Variants in MAK observed in about 807,000 individuals in gnomAD.
MAK encodes the protein male germ cell associated kinase, also known as serine/threonine-protein kinase MAK.
In MAK, 65 loss-of-function variants were observed where a neutral mutation model predicts 82.6. The observed-to-expected ratio is 0.79, with a 90% CI of 0.64 to 0.97. The LOEUF (loss-of-function observed/expected upper bound fraction) is 0.97. Ranked by LOEUF, MAK falls within the 50% of genes least tolerant of loss-of-function variation. MAK has a pLI of 0.00. For missense variants in MAK, 703 were observed against 780.2 expected (o/e 0.90, Z 1.18); for synonymous variants, 250 against 274.2 (o/e 0.91, Z 0.87).
In MAK at chr6:10,812,360, A is replaced by T. The variant is rs550055054; in HGVS notation, c.358+1284T>A. Reference sequence around the variant, plus strand: ...CTAGTGATTCTAAACAAATGTTTTTAAAAAATAATCATATTAACTTTTTGG... The same window carrying T: ...CTAGTGATTCTAAACAAATGTTTTTTAAAAATAATCATATTAACTTTTTGG... On this transcript the variant is annotated intron_variant, in intron 5 of 14. Coordinates refer to ENST00000354489, the MANE Select transcript of MAK (RefSeq NM_001242957.3). Among the ~76,000 whole-genome samples, 21 of 152,294 alleles carry T rather than the reference A, an allele frequency of 1.4e-4. 2 individuals are homozygous for T. The South Asian group carries it at 3.7e-3, about 27-fold the overall frequency.
chr6:10,764,269 G>A lies in MAK; in HGVS notation c.*183C>T. On this transcript the variant is annotated 3_prime_UTR_variant, in exon 15 of 15. Coordinates refer to ENST00000354489, the MANE Select transcript of MAK (RefSeq NM_001242957.3). ...ATATATCAACACTGTGGGCAATGAT[G>A]CTAAGAAAATGCATTTCTTGGAAAT... The A allele has an allele frequency of 1.6e-6, 1 of 616,422 alleles. No homozygotes were observed. Among genetic ancestry groups the A allele is most frequent in the East Asian group, 2.8e-5 (1 of 35,862 alleles). The allele number at this position is 616,422 out of a possible 1,614,324, so 38.2% of individuals were successfully genotyped here.
rs369250524 is a variant in MAK at position 10,835,976 on chromosome 6, A to T, written c.-230+2527T>A. On this transcript the variant is annotated intron_variant, in intron 1 of 14. Transcript: ENST00000354489. ...ACAATAGAGCATTCAGTCACTGATG[A>T]CTTTCGACCCAAGCCTGCGTGCACA... Among the ~76,000 whole-genome samples the T allele has an allele frequency of 2.4e-3, 363 of 152,338 alleles. 10 individuals carry two copies. The South Asian group carries it at 0.049, about 21-fold the overall frequency.
Position 10,803,858 on chromosome 6 carries a change from T to C in MAK, c.525A>G (p.Ser175=). The C allele has an allele frequency of 6.2e-7, 1 of 1,614,070 alleles. No homozygotes were observed. The highest frequency in any genetic ancestry group is 8.5e-7 in the Non-Finnish European group (1 of 1,179,972). ...YRAPEVLLRS[S]VYSSPIDVWA... ...ACACATCAATGGGAGAACTATAAAC[T>C]GAAGATCTCAGTAAAACTTCAGGGG... The change falls in exon 7 of 15, where the codon TCA becomes TCG. Residue 175 remains serine (S), a synonymous_variant. Coordinates refer to ENST00000354489, the MANE Select transcript of MAK (RefSeq NM_001242957.3).
chr6:10,807,589 C>T (rs1406272095), intron 6 of MAK, among the ~76,000 whole-genome samples: 2 of 151,796 alleles, frequency 1.3e-5, no homozygotes, highest in East Asian at 3.9e-4. Flanking sequence ...GATCCCCCAC[C>T]TCGGCCTCCC....
chr6:10,808,512 TTTC>T (rs1776670712), intron 6 of MAK, among the ~76,000 whole-genome samples: 1 of 152,218 alleles, frequency 6.6e-6, no homozygotes, highest in Non-Finnish European at 1.5e-5. Context: ...AGATTTTTCT[TTTC>T]TTTTTTTATT....
chr6:10,789,317 A>T (rs1314496290), intron 10 of MAK, among the ~76,000 whole-genome samples: 1 of 152,144 alleles, frequency 6.6e-6, no homozygotes, highest in African/African-American at 2.4e-5. Flanking sequence ...TTCTGTTTCA[A>T]AGAGGAAACA....
At chr6:10,792,527 C>G (rs569921228) in intron 9 of MAK, among the ~76,000 whole-genome samples, 1 of 152,324 alleles carries the variant, frequency 6.6e-6, no homozygotes, top group East Asian at 1.9e-4. Context: ...ATGAGTCTGA[C>G]TGTCACAGAA....
chr6:10,764,957 G>T (rs565827228), intron 14 of MAK, among the ~76,000 whole-genome samples: 2 of 152,020 alleles, frequency 1.3e-5, no homozygotes, highest in South Asian at 4.1e-4. Context: ...TCAGCTGAGC[G>T]TGGTGGCGGG....
chr6:10,775,480 A>G, intron 11 of MAK, 21 bp from the exon 12 acceptor site: 1 of 1,610,362 alleles, frequency 6.2e-7, no homozygotes. Flanking sequence ...CAAAACAACC[A>G]CTTCAAAGGT....
intron 11 of MAK, among the ~76,000 whole-genome samples, chr6:10,780,482 G>A (rs138437378): frequency 0.018 from 2,405 of 132,698 alleles, 67 homozygotes; most frequent in African/African-American, 0.063. Context: ...TTGAGACAGA[G>A]TCTTGTTCTG....
chr6:10,810,137 C>A (rs548293445), intron 5 of MAK, among the ~76,000 whole-genome samples: 3 of 150,136 alleles, frequency 2.0e-5, no homozygotes, highest in Non-Finnish European at 3.0e-5. Flanking sequence ...AAAAGAAAAC[C>A]CAGGGGGAAA....
rs991773411 is a variant in MAK at position 10,776,276 on chromosome 6, C to A, written c.1466-817G>T. ...ATGGAAACAGTTTATCCCCTGTGCGCCAGAAAGAAGTCATTGCAAATGTAC... is the reference window on the plus strand; with the variant it reads ...ATGGAAACAGTTTATCCCCTGTGCGACAGAAAGAAGTCATTGCAAATGTAC... On this transcript the variant is annotated intron_variant, in intron 11 of 14. Transcript: ENST00000354489. The surrounding 1 kb of genome is among the most constrained non-coding windows in gnomAD (Gnocchi z 4.3). 6.6e-6 allele frequency among the ~76,000 whole-genome samples: 1 copy of A among 152,102 alleles called. No homozygotes were observed.
At chr6:10,826,799 C>A (rs989132582) in intron 2 of MAK, among the ~76,000 whole-genome samples, 1 of 152,186 alleles carries the variant, frequency 6.6e-6, no homozygotes, top group Non-Finnish European at 1.5e-5. Flanking sequence ...TGTGAGAAAG[C>A]TTTTGCTTTC....
At chr6:10,769,094 G>C (rs893244747) in intron 14 of MAK, among the ~76,000 whole-genome samples, 1 of 152,086 alleles carries the variant, frequency 6.6e-6, no homozygotes. Flanking sequence ...TGTGCCTGTA[G>C]TCCCATCTAC....
chr6:10,813,142 T>A lies in MAK; in HGVS notation c.358+502A>T, dbSNP rs1375275338. ...TATATATATATATATATAAATTTTT[T>A]TTTTTTTTTTTTTTTTTTTTTTTTG... On this transcript the variant is annotated intron_variant, in intron 5 of 14. Transcript: ENST00000354489. Among the ~76,000 whole-genome samples, 49 of 28,532 alleles carry A rather than the reference T, an allele frequency of 1.7e-3. 1 individual carries two copies. The highest frequency in any genetic ancestry group is 0.016 in the African/African-American group (42 of 2,656). 18.7% of individuals were successfully genotyped at this position (28,532 alleles called of 152,430 possible).
At chr6:10,779,406 G>A in intron 11 of MAK, 1 of 985,308 alleles carries the variant, frequency 1.0e-6, no homozygotes, top group Non-Finnish European at 1.2e-6. Context: ...CCGGTTAGTA[G>A]TAGCAGGTCA....
At chr6:10,813,126 ATATATATAAATTTT>A (rs1777153007) in intron 5 of MAK, among the ~76,000 whole-genome samples, 5 of 682 alleles carry the variant, frequency 7.3e-3, no homozygotes, top group Admixed American at 0.021. Flanking sequence ...ATATATATAT[ATATATATAAATTTT>A]TTTTTTTTTT....
rs911908979 is a variant in MAK, at chr6:10,793,021, C to G, written c.1144-1174G>C. ...AGTGATATGCAAGAATCTGGTATGG[C>G]TGAGAAGACTGGAAAGGGGCAAATA... On this transcript the variant is annotated intron_variant, in intron 9 of 14. Coordinates refer to ENST00000354489, the MANE Select transcript of MAK (RefSeq NM_001242957.3). This position sits in a 1 kb window ranked among gnomAD's most constrained non-coding sequence, Gnocchi z 4.6. Among the ~76,000 whole-genome samples, 8 of 151,816 alleles carry G rather than the reference C, an allele frequency of 5.3e-5. No homozygotes were observed. The highest frequency in any genetic ancestry group is 1.9e-4 in the African/African-American group (8 of 41,336).
rs1045975968 is a variant in MAK at position 10,806,499 on chromosome 6, C to T, written c.491+2311G>A. ...GACTACAGGTGCCCGCCACCACACC[C>T]GTCTAATTTTTTTTTTTTTTTTTTT... On this transcript the variant is annotated intron_variant, in intron 6 of 14. Coordinates refer to ENST00000354489, the MANE Select transcript of MAK (RefSeq NM_001242957.3). Among the ~76,000 whole-genome samples, 8 of 129,176 alleles carry T rather than the reference C, an allele frequency of 6.2e-5. No individual in the cohort carries two copies. The East Asian group carries it at 1.6e-3, about 25-fold the overall frequency. The allele number at this position is 129,176 out of a possible 152,430, so 84.7% of individuals were successfully genotyped here.
Sources: gnomAD v4.1 joint callset for allele counts (sites outside exome capture counted in the v4.1 genomes callset) on GRCh38, gnomAD v4.1.1 for gene constraint, Gnocchi (gnomAD v3.1) non-coding constraint, MANE v1.5 for transcripts, NCBI Gene and HGNC (gene_info 2026-07-23, HGNC 2026-07-21) for gene names.